The following JAM3 variants were observed in gnomAD, a reference collection of about 807,000 sequenced individuals.
The protein encoded by JAM3 is junctional adhesion molecule C.
Under a neutral mutation model 39.4 loss-of-function variants are expected in JAM3, and 31 were observed. That is an observed-to-expected ratio of 0.79 (90% CI 0.59 to 1.06). The LOEUF is 1.06. JAM3 is among the 50% of genes least tolerant of loss of function. The pLI is 0.00. For synonymous variants in JAM3, 182 were observed against 148.7 expected, an observed-to-expected ratio of 1.22 and a Z score of -1.63; for missense variants, 455 against 391.4, an observed-to-expected ratio of 1.16 and a Z score of -1.37.
At chr11:134,111,133 C>CTTTTTTTTTTTTTTTTTTTTTTTTTT (rs71038561) in intron 1 of JAM3, among the ~76,000 whole-genome samples, 1 of 86,746 alleles carries the variant, frequency 1.2e-5, no homozygotes, top group African/African-American at 5.5e-5. Flanking sequence ...ACACATCCAT[C>CTTTTTTTTTTTTTTTTTTTTTTTTTT]TTTTTTTTTT....
intron 1 of JAM3, among the ~76,000 whole-genome samples, chr11:134,090,800 AT>A (rs1941834133): frequency 6.6e-6 from 1 of 151,668 alleles, no homozygotes; most frequent in African/African-American, 2.4e-5. Context: ...TTAAAAAAAA[AT>A]CTATTGAAAT....
chr11:134,147,017 T>C (rs1174330294), intron 6 of JAM3, among the ~76,000 whole-genome samples: 2 of 152,218 alleles, frequency 1.3e-5, no homozygotes, highest in Non-Finnish European at 2.9e-5. Flanking sequence ...TGTCTGTGTG[T>C]GAGACAAGCG....
intron 1 of JAM3, among the ~76,000 whole-genome samples, chr11:134,114,268 C>T (rs1204374738): frequency 6.6e-6 from 1 of 152,136 alleles, no homozygotes; most frequent in Admixed American, 6.6e-5. Flanking sequence ...AAGTCCTTGC[C>T]CATGCCTATG....
chr11:134,070,899 A>G (rs533900969), intron 1 of JAM3, among the ~76,000 whole-genome samples: 2 of 152,312 alleles, frequency 1.3e-5, no homozygotes, highest in African/African-American at 4.8e-5. Flanking sequence ...GCGTAGGAGG[A>G]AGAATCAAAT....
chr11:134,079,665 C>T (rs915942303), intron 1 of JAM3, among the ~76,000 whole-genome samples: 1 of 152,132 alleles, frequency 6.6e-6, no homozygotes, highest in Non-Finnish European at 1.5e-5. Flanking sequence ...GTAATTTAAA[C>T]CCCACCTCTC....
chr11:134,106,947 A>G (rs1942202901), intron 1 of JAM3, among the ~76,000 whole-genome samples: 1 of 152,218 alleles, frequency 6.6e-6, no homozygotes, highest in Non-Finnish European at 1.5e-5. Context: ...ATCTAGAACT[A>G]GAAATACCTT....
intron 1 of JAM3, among the ~76,000 whole-genome samples, chr11:134,071,935 G>C (rs1941490071): frequency 6.6e-6 from 1 of 152,124 alleles, no homozygotes; most frequent in South Asian, 2.1e-4. Context: ...CAGTGCTTCA[G>C]GCTAAGGAGA....
chr11:134,149,826 C>G lies in JAM3; in HGVS notation c.*645C>G. ...TGCCTGAGGAACCCTGCTTGTCCAA[C>G]AGGGTGTCAGGATTTAAGGAAAACC... On this transcript the variant is annotated 3_prime_UTR_variant, in exon 9 of 9. Transcript: ENST00000299106. The G allele has an allele frequency of 2.9e-6, 1 of 350,522 alleles. No homozygotes were observed. 21.7% of individuals were successfully genotyped at this position (350,522 alleles called of 1,614,324 possible).
intron 1 of JAM3, among the ~76,000 whole-genome samples, chr11:134,129,033 T>A (rs1039574902): frequency 6.6e-6 from 1 of 152,014 alleles, no homozygotes; most frequent in Non-Finnish European, 1.5e-5. Context: ...TCCTGAGACC[T>A]CTCCTTGGCC....
At chr11:134,134,536 C>T (rs1021132377) in intron 1 of JAM3, among the ~76,000 whole-genome samples, 1 of 151,508 alleles carries the variant, frequency 6.6e-6, no homozygotes, top group Non-Finnish European at 1.5e-5. Flanking sequence ...TTACATCGTA[C>T]AGTATTTGGA....
intron 1 of JAM3, among the ~76,000 whole-genome samples, chr11:134,117,432 G>A (rs933982202): frequency 6.6e-6 from 1 of 152,106 alleles, no homozygotes; most frequent in Non-Finnish European, 1.5e-5. Flanking sequence ...CTGTCTTGAT[G>A]TCTTCCCTTA....
chr11:134,123,720 A>G (rs1942583083), intron 1 of JAM3: 19 of 558,164 alleles, frequency 3.4e-5, no homozygotes, highest in South Asian at 3.2e-4. Flanking sequence ...TAGTGAATCC[A>G]TCACTACTTT....
chr11:134,069,385 G>A (rs941933981), intron 1 of JAM3, among the ~76,000 whole-genome samples: 6 of 152,170 alleles, frequency 3.9e-5, no homozygotes, highest in African/African-American at 1.4e-4. Context: ...GTTGGACCGG[G>A]GCGGGGAGCT....
Position 134,144,783 on chromosome 11 carries a change from T to A in JAM3, c.410-9T>A. 6.2e-7 allele frequency: 1 copy of A among 1,612,996 alleles called. No individual in the cohort carries two copies. Among genetic ancestry groups the A allele is most frequent in the Non-Finnish European group, 8.5e-7 (1 of 1,179,084 alleles). Reference sequence around the variant, plus strand: ...TGAGATCTTAAACACCACCCCTTTTTCCCCACAGTGAAGCCAGTGACCCCT... The same window carrying A: ...TGAGATCTTAAACACCACCCCTTTTACCCCACAGTGAAGCCAGTGACCCCT... On this transcript the variant is annotated splice_polypyrimidine_tract_variant and intron_variant, in intron 4 of 8. Coordinates refer to ENST00000299106, the MANE Select transcript of JAM3 (RefSeq NM_032801.5).
At chr11:134,100,113 T>C (rs1942047559) in intron 1 of JAM3, among the ~76,000 whole-genome samples, 1 of 152,208 alleles carries the variant, frequency 6.6e-6, no homozygotes. Flanking sequence ...TAAATTCTTC[T>C]CAAATTCTGT....
Position 134,138,296 on chromosome 11 carries a change from A to T in JAM3, c.77-1555A>T, listed in dbSNP as rs1942908383. Among the ~76,000 whole-genome samples, 2 of 108,104 alleles carry T rather than the reference A, an allele frequency of 1.9e-5. 1 individual carries two copies. The highest frequency in any genetic ancestry group is 7.5e-5 in the African/African-American group (2 of 26,544). 70.9% of individuals were successfully genotyped at this position (108,104 alleles called of 152,430 possible). On this transcript the variant is annotated intron_variant, in intron 1 of 8. Transcript: ENST00000299106. Reference sequence around the variant, plus strand: ...ACTGGAAGAAATGTTTATGGCCAATAGTCCCTTAGAGCCAGTGGTGGCGTC... The same window carrying T: ...ACTGGAAGAAATGTTTATGGCCAATTGTCCCTTAGAGCCAGTGGTGGCGTC...
chr11:134,098,535 G>A (rs1163526958), intron 1 of JAM3, among the ~76,000 whole-genome samples: 1 of 152,084 alleles, frequency 6.6e-6, no homozygotes, highest in Non-Finnish European at 1.5e-5. Flanking sequence ...CATTAGTGTC[G>A]GGGCAAGTAT....
intron 1 of JAM3, among the ~76,000 whole-genome samples, chr11:134,125,815 GTGTC>G (rs1335721934): frequency 2.0e-5 from 3 of 152,252 alleles, no homozygotes; most frequent in Non-Finnish European, 4.4e-5. Flanking sequence ...AGAAAGCACA[GTGTC>G]TGCTTTGTTT....
At chr11:134,099,844 A>G (rs1942043482) in intron 1 of JAM3, among the ~76,000 whole-genome samples, 1 of 152,308 alleles carries the variant, frequency 6.6e-6, no homozygotes, top group Non-Finnish European at 1.5e-5. Flanking sequence ...AGACCTCGTC[A>G]TCCGCCTGCC....
Sources: allele counts gnomAD v4.1 joint callset (sites outside exome capture counted in the v4.1 genomes callset), GRCh38; gene constraint gnomAD v4.1.1; transcripts MANE v1.5; gene names NCBI Gene and HGNC (gene_info 2026-07-23, HGNC 2026-07-21).